MSI2: variants seen among roughly 807,000 people sequenced by gnomAD.
MSI2 encodes the protein RNA-binding protein Musashi homolog 2.
In MSI2, 17 loss-of-function variants were observed where a neutral mutation model predicts 45.6. The observed-to-expected ratio is 0.37, with a 90% CI of 0.26 to 0.56. MSI2 has a LOEUF of 0.56. Among genes scored for constraint, MSI2 ranks in the 20% least tolerant of loss-of-function variants. The probability of loss-of-function intolerance (pLI) is 0.77; values close to 1 mark genes in which losing one functional copy is unlikely to be tolerated. For missense variants in MSI2, 293 were observed against 444.2 expected, an observed-to-expected ratio of 0.66 and a Z score of 3.06; for synonymous variants, 156 against 158.2, an observed-to-expected ratio of 0.99 and a Z score of 0.11.
chr17:57,468,436 G>A (rs972850965), intron 6 of MSI2, among the ~76,000 whole-genome samples: 1 of 151,182 alleles, frequency 6.6e-6, no homozygotes, highest in African/African-American at 2.4e-5. Context: ...CCGGAGAATG[G>A]CGTGAAACTG....
chr17:57,443,699 AG>A (rs2084844028), intron 6 of MSI2, among the ~76,000 whole-genome samples: 1 of 152,200 alleles, frequency 6.6e-6, no homozygotes, highest in East Asian at 1.9e-4. Flanking sequence ...CAGGCTTGTC[AG>A]GGGGTCAGCC....
At chr17:57,346,861 C>A (rs1194340057) in intron 5 of MSI2, among the ~76,000 whole-genome samples, 1 of 152,186 alleles carries the variant, frequency 6.6e-6, no homozygotes, top group Non-Finnish European at 1.5e-5. Context: ...CCTGTCCCGG[C>A]CTCCCAAAGT....
At chr17:57,266,231 AG>A (rs1440717307) in intron 5 of MSI2, 2 of 152,204 alleles carry the variant, frequency 1.3e-5, no homozygotes, top group African/African-American at 4.8e-5. Flanking sequence ...TTTGTAAAAG[AG>A]GGAGAATTAT....
At chr17:57,362,049 A>G (rs774817609) in intron 5 of MSI2, among the ~76,000 whole-genome samples, 1 of 152,248 alleles carries the variant, frequency 6.6e-6, no homozygotes, top group Non-Finnish European at 1.5e-5. Context: ...ATAATTGGCT[A>G]TTAGGAAAGG....
At chr17:57,331,556 C>G (rs1038568771) in intron 5 of MSI2, among the ~76,000 whole-genome samples, 16 of 152,216 alleles carry the variant, frequency 1.1e-4, no homozygotes, top group African/African-American at 3.9e-4. Context: ...TCTGCCCCTC[C>G]TGAGCGAGAT....
chr17:57,390,445 G>A (rs1025183207), intron 5 of MSI2, among the ~76,000 whole-genome samples: 6 of 152,170 alleles, frequency 3.9e-5, no homozygotes, highest in Admixed American at 2.6e-4. Flanking sequence ...AAGTTTTAAC[G>A]ACCCCCACCC....
intron 6 of MSI2, among the ~76,000 whole-genome samples, chr17:57,506,020 A>T (rs943593017): frequency 3.9e-5 from 6 of 152,184 alleles, no homozygotes; most frequent in Non-Finnish European, 7.3e-5. Flanking sequence ...ACAGAGTTTC[A>T]TGCATGAGGA....
At chr17:57,363,797 A>G (rs931714237) in intron 5 of MSI2, among the ~76,000 whole-genome samples, 4 of 152,070 alleles carry the variant, frequency 2.6e-5, no homozygotes, top group Admixed American at 1.3e-4. Flanking sequence ...ACAACAAACA[A>G]CAACAACAAC....
At chr17:57,428,879 G>A (rs1194947523) in intron 6 of MSI2, among the ~76,000 whole-genome samples, 1 of 152,062 alleles carries the variant, frequency 6.6e-6, no homozygotes, top group Non-Finnish European at 1.5e-5. Flanking sequence ...AGTGCCTTCT[G>A]CTCTCCTAGT....
intron 6 of MSI2, among the ~76,000 whole-genome samples, chr17:57,414,123 G>C (rs896992474): frequency 1.3e-5 from 2 of 149,898 alleles, no homozygotes; most frequent in African/African-American, 5.1e-5. Context: ...AAAGAAACCA[G>C]GAGCTGAGAG....
rs115478874 is a variant in MSI2, at chr17:57,423,492, T to C, written c.405+22021T>C. On this transcript the variant is annotated intron_variant, in intron 6 of 13. Transcript: ENST00000284073. ...CTCTTCCAGCCCTGTAGCTGCATTC[T>C]ATTCTGTTGGCCAGCGCCTGCTCAT... is the stretch of plus-strand genomic sequence containing the variant. Among the ~76,000 whole-genome samples, 770 of 152,346 alleles carry C rather than the reference T, an allele frequency of 5.1e-3. 8 individuals carry two copies. The highest frequency in any genetic ancestry group is 0.018 in the African/African-American group (729 of 41,570).
At chr17:57,672,168 G>T (rs1002242096) in intron 11 of MSI2, among the ~76,000 whole-genome samples, 1 of 152,250 alleles carries the variant, frequency 6.6e-6, no homozygotes, top group Non-Finnish European at 1.5e-5. Context: ...GCACCGTGAT[G>T]AGCAAGTGCG....
intron 10 of MSI2, among the ~76,000 whole-genome samples, chr17:57,640,180 C>A (rs1021467737): frequency 6.6e-6 from 1 of 152,198 alleles, no homozygotes; most frequent in East Asian, 1.9e-4. Flanking sequence ...AGCACAAGCA[C>A]TGGGGCTCCA....
rs535409477 is a variant in MSI2, at chr17:57,683,019, T to C, written c.*3502T>C. On this transcript the variant is annotated 3_prime_UTR_variant, in exon 14 of 14. Coordinates refer to ENST00000284073, the MANE Select transcript of MSI2 (RefSeq NM_138962.4). The surrounding 1 kb of genome is among the most constrained non-coding windows in gnomAD (Gnocchi z 5.2). The stretch of plus-strand genomic sequence containing the variant: ...TGGGAACAAACAGCCTCGCGCTCTA[T>C]ACCAAACAGCCTCGCGCTCTATCCC... The C allele has an allele frequency of 4.4e-6, 1 of 229,504 alleles. No individual in the cohort carries two copies. The highest frequency in any genetic ancestry group is 5.7e-5 in the Admixed American group (1 of 17,662). 14.2% of individuals were successfully genotyped at this position (229,504 alleles called of 1,614,324 possible). A position where few individuals can be genotyped will look rare whatever the true frequency, so the allele number is the denominator to read the frequency against.
chr17:57,405,578 C>T (rs2143136797), intron 6 of MSI2, among the ~76,000 whole-genome samples: 1 of 152,224 alleles, frequency 6.6e-6, no homozygotes, highest in Non-Finnish European at 1.5e-5. Context: ...GCAGTCTAAA[C>T]CATGTTAGAG....
intron 8 of MSI2, among the ~76,000 whole-genome samples, chr17:57,613,525 T>A (rs1277037907): frequency 6.6e-6 from 1 of 152,178 alleles, no homozygotes; most frequent in Non-Finnish European, 1.5e-5. Context: ...TAGGGCAAAT[T>A]CCTAGAGGTA....
intron 7 of MSI2, among the ~76,000 whole-genome samples, chr17:57,554,834 G>A (rs138474167): frequency 2.6e-5 from 4 of 152,382 alleles, no homozygotes; most frequent in South Asian, 2.1e-4. Context: ...GCTTTGGCCC[G>A]TGGGCCATAT....
In MSI2 at chr17:57,652,501, G is replaced by GCTTTTGCTAATTC. The variant is rs1911236644; in HGVS notation, c.790+341_790+353dup. Among the ~76,000 whole-genome samples the GCTTTTGCTAATTC allele has an allele frequency of 6.6e-6, 1 of 152,138 alleles. No homozygotes were observed. The highest frequency in any genetic ancestry group is 2.1e-4 in the South Asian group (1 of 4,836). ...GTACCTGTGGTCATTTCCCTCCTTG[G>GCTTTTGCTAATTC]CTTTTGCTAATTCAACAGGCTCCCT... On this transcript the variant is annotated intron_variant, in intron 11 of 13. Transcript: ENST00000284073. The surrounding 1 kb of genome is among the most constrained non-coding windows in gnomAD (Gnocchi z 4.1).
rs1468358708 is a variant in MSI2 at position 57,660,105 on chromosome 17, C to T, written c.790+7944C>T. 7.9e-5 allele frequency among the ~76,000 whole-genome samples: 12 copies of T among 152,152 alleles called. No individual in the cohort carries two copies. In the South Asian group the frequency reaches 1.9e-3, roughly 24 times the overall value. Reference sequence around the variant, plus strand: ...GGAAGCTCCATAGAAGAGTGGGCTTCGTGCCTGGCTTGTTCAGGGATCCTT... The same window carrying T: ...GGAAGCTCCATAGAAGAGTGGGCTTTGTGCCTGGCTTGTTCAGGGATCCTT... On this transcript the variant is annotated intron_variant, in intron 11 of 13. Coordinates refer to ENST00000284073, the MANE Select transcript of MSI2 (RefSeq NM_138962.4).
Sources: gnomAD v4.1 joint callset for allele counts (sites outside exome capture counted in the v4.1 genomes callset) on GRCh38, gnomAD v4.1.1 for gene constraint, Gnocchi (gnomAD v3.1) non-coding constraint, MANE v1.5 for transcripts, NCBI Gene and HGNC (gene_info 2026-07-23, HGNC 2026-07-21) for gene names.